Variants in RANBP2 observed in about 807,000 individuals in gnomAD.
RANBP2 encodes RAN binding protein 2.
Under a neutral mutation model 303.6 loss-of-function variants are expected in RANBP2, and 57 were observed. That is an observed-to-expected ratio of 0.19 (90% CI 0.15 to 0.23). The LOEUF is 0.23. RANBP2 is among the 10% of genes least tolerant of loss of function. The pLI, the probability that RANBP2 is intolerant of heterozygous loss-of-function variation, is 1.00. For missense variants in RANBP2, 3,138 were observed against 3,780.8 expected (o/e 0.83, Z 4.46); for synonymous variants, 1,167 against 1,301.5 (o/e 0.90, Z 2.23).
the RANBP2 span, among the ~76,000 whole-genome samples, chr2:109,662,784 G>T: frequency 6.6e-6 from 1 of 152,120 alleles, no homozygotes; most frequent in Non-Finnish European, 1.5e-5. Context: ...ATTGGTATCT[G>T]CTTCTCAGAG....
At chr2:109,132,270 A>T in the RANBP2 span, among the ~76,000 whole-genome samples, 1 of 152,236 alleles carries the variant, frequency 6.6e-6, no homozygotes. Context: ...TTAGGTATAT[A>T]GGTAAGTATT....
chr2:109,544,509 A>G, the RANBP2 span: 4 of 985,372 alleles, frequency 4.1e-6, no homozygotes, highest in Non-Finnish European at 4.8e-6. Context: ...CTCAAAAAAT[A>G]TGGGCTTGGT....
chr2:109,590,041 CAT>C, the RANBP2 span, among the ~76,000 whole-genome samples: 6,257 of 148,784 alleles, frequency 0.042, 395 homozygotes, highest in African/African-American at 0.14. Flanking sequence ...TATATACACA[CAT>C]ATATATGTGT....
At chr2:109,147,786 C>T in the RANBP2 span, among the ~76,000 whole-genome samples, 3 of 152,184 alleles carry the variant, frequency 2.0e-5, no homozygotes, top group Admixed American at 1.3e-4. Flanking sequence ...GCTAAAATAT[C>T]CCGAATTGGA....
the RANBP2 span, among the ~76,000 whole-genome samples, chr2:109,720,560 G>A: frequency 1.2e-3 from 180 of 152,252 alleles, no homozygotes; most frequent in Non-Finnish European, 1.7e-3. Context: ...CTGTTACCAG[G>A]CAGGCAGTGA....
At chr2:109,665,037 A>G in the RANBP2 span, among the ~76,000 whole-genome samples, 545 of 152,330 alleles carry the variant, frequency 3.6e-3, 2 homozygotes, top group South Asian at 0.019. Flanking sequence ...AGATATCACA[A>G]TTCTACTTTT....
chr2:109,502,917 G>A, the RANBP2 span: 3 of 152,160 alleles, frequency 2.0e-5, no homozygotes, highest in African/African-American at 7.2e-5. Context: ...TCCCATTTCA[G>A]GCAGTGCAAA....
At chr2:109,684,471 C>A in the RANBP2 span, among the ~76,000 whole-genome samples, 1 of 151,200 alleles carries the variant, frequency 6.6e-6, no homozygotes, top group African/African-American at 2.4e-5. Flanking sequence ...GAACTCCTGA[C>A]CTCGTAATCC....
chr2:109,585,205 G>A, the RANBP2 span: 2 of 1,612,656 alleles, frequency 1.2e-6, no homozygotes, highest in South Asian at 1.1e-5. Context: ...CTTTCCTGGA[G>A]TTCATATGTC....
At chr2:109,525,916 C>T in the RANBP2 span, among the ~76,000 whole-genome samples, 1 of 152,266 alleles carries the variant, frequency 6.6e-6, no homozygotes, top group South Asian at 2.1e-4. Flanking sequence ...CTTTGTGCTG[C>T]TATTGCTAAT....
chr2:108,731,322 C>G lies in RANBP2; in HGVS notation c.253C>G (p.Arg85Gly). 5 of 1,610,706 alleles carry G rather than the reference C, an allele frequency of 3.1e-6. No homozygotes were observed. Among genetic ancestry groups the G allele is most frequent in the Non-Finnish European group, 4.2e-6 (5 of 1,179,248 alleles). Residue 85 changes from arginine to glycine, a missense_variant and splice_region_variant, in exon 4 of 29, where the codon CGT (arginine) becomes GGT (glycine). By Grantham distance (125) the Arg-to-Gly change is moderately radical (BLOSUM62 -2). Transcript: ENST00000283195. ...NTDKAVECYRRSVELNPTQKD... is the reference protein window; with the variant it reads ...NTDKAVECYRGSVELNPTQKD... ...TCTTTAATTTCTTTTCTGATATTAG[C>G]GTTCAGTGGAATTAAACCCAACACA...
chr2:109,269,867 T>C, the RANBP2 span, among the ~76,000 whole-genome samples: 1 of 152,318 alleles, frequency 6.6e-6, no homozygotes, highest in Non-Finnish European at 1.5e-5. Flanking sequence ...CAGGCATTTG[T>C]TCATTACATC....
At chr2:109,300,927 G>C in the RANBP2 span, among the ~76,000 whole-genome samples, 1 of 152,304 alleles carries the variant, frequency 6.6e-6, no homozygotes, top group African/African-American at 2.4e-5. Context: ...AGAAGGTGAG[G>C]GCCACAGCAT....
chr2:108,928,515 C>T, the RANBP2 span, among the ~76,000 whole-genome samples: 1 of 152,202 alleles, frequency 6.6e-6, no homozygotes, highest in Non-Finnish European at 1.5e-5. Context: ...CCAGCTGTAC[C>T]AGGGACACCA....
At chr2:109,642,497 C>G in the RANBP2 span, among the ~76,000 whole-genome samples, 1 of 152,034 alleles carries the variant, frequency 6.6e-6, no homozygotes, top group African/African-American at 2.4e-5. Context: ...CGCCTGTAAT[C>G]CCAGCACTTT....
At chr2:109,250,666 A>G in the RANBP2 span, among the ~76,000 whole-genome samples, 1 of 152,018 alleles carries the variant, frequency 6.6e-6, no homozygotes, top group Admixed American at 6.5e-5. Flanking sequence ...GTATGAGGCA[A>G]ATATGGAAAA....
chr2:109,082,432 C>A, the RANBP2 span, among the ~76,000 whole-genome samples: 4 of 152,008 alleles, frequency 2.6e-5, no homozygotes, highest in African/African-American at 9.7e-5. Context: ...TCCCGAGTAG[C>A]TGGGACTACA....
chr2:109,081,329 A>G, the RANBP2 span, among the ~76,000 whole-genome samples: 1 of 152,274 alleles, frequency 6.6e-6, no homozygotes, highest in South Asian at 2.1e-4. Flanking sequence ...ATTTGGGGGA[A>G]AGGAAATATA....
the RANBP2 span, among the ~76,000 whole-genome samples, chr2:109,466,115 C>T: frequency 0.011 from 1,568 of 138,200 alleles, 34 homozygotes; most frequent in African/African-American, 0.039. Context: ...AGTCTCGCTC[C>T]GTCGCCCAGG....
Sources: gnomAD v4.1 joint callset for allele counts (sites outside exome capture counted in the v4.1 genomes callset) on GRCh38, gnomAD v4.1.1 for gene constraint, MANE v1.5 for transcripts, NCBI Gene and HGNC (gene_info 2026-07-23, HGNC 2026-07-21) for gene names.